SLCO6A1: variants seen among roughly 807,000 people sequenced by gnomAD.
SLCO6A1 encodes the protein solute carrier organic anion transporter family member 6A1.
SLCO6A1 carries 65 observed loss-of-function variants against 72.7 expected under a neutral mutation model. The observed-to-expected ratio is 0.89, with a 90% CI of 0.73 to 1.10. The LOEUF (loss-of-function observed/expected upper bound fraction) is 1.10. Ranked by LOEUF, SLCO6A1 falls within the 50% of genes least tolerant of loss-of-function variation. The pLI, the probability that SLCO6A1 is intolerant of heterozygous loss-of-function variation, is 0.00. For missense variants in SLCO6A1, 874 were observed against 872.6 expected (o/e 1.00, Z -0.02); for synonymous variants, 314 against 298.2 (o/e 1.05, Z -0.55).
At chr5:102,458,082 C>T (rs1750828044) in intron 6 of SLCO6A1, among the ~76,000 whole-genome samples, 1 of 151,752 alleles carries the variant, frequency 6.6e-6, no homozygotes, top group Non-Finnish European at 1.5e-5. Context: ...AGGGGAACAT[C>T]ACACACAGGG....
intron 12 of SLCO6A1, among the ~76,000 whole-genome samples, chr5:102,386,801 C>T (rs1478661480): frequency 6.6e-6 from 1 of 152,130 alleles, no homozygotes; most frequent in Non-Finnish European, 1.5e-5. Flanking sequence ...GAGCCTGATG[C>T]TAAGAGGGTC....
At chr5:102,495,807 G>A (rs1752883329) in intron 1 of SLCO6A1, among the ~76,000 whole-genome samples, 3 of 151,998 alleles carry the variant, frequency 2.0e-5, no homozygotes, top group Admixed American at 6.5e-5. Flanking sequence ...AAAAAGGCCT[G>A]AGTCTGGTCA....
chr5:102,419,999 A>G lies in SLCO6A1; in HGVS notation c.1299T>C (p.Gly433=). The change falls in exon 8 of 14, where the codon GGT becomes GGC. Residue 433 remains glycine, a synonymous_variant. Transcript: ENST00000506729. The part of the protein sequence containing the change: ...TLAGLVLIPG[G]ALGQLLGGVI... ...CACCTCCCAGAAGCTGGCCAAGTGC[A>G]CCTCCTGGAATTAAAACAAGTCCTA... 6.3e-7 allele frequency: 1 copy of G among 1,575,078 alleles called. No homozygotes were observed. The highest frequency in any genetic ancestry group is 8.6e-7 in the Non-Finnish European group (1 of 1,169,004).
chr5:102,460,898 TCA>T lies in SLCO6A1; in HGVS notation c.900-1123_900-1122del, dbSNP rs1580468665. Among the ~76,000 whole-genome samples the T allele has an allele frequency of 2.5e-4, 8 of 32,604 alleles. No homozygotes were observed. In the East Asian group the frequency reaches 6.4e-3, roughly 26 times the overall value. 21.4% of individuals were successfully genotyped at this position (32,604 alleles called of 152,430 possible). A position where few individuals can be genotyped will look rare whatever the true frequency, so the allele number is the denominator to read the frequency against. ...TCTTGATTGTCATTACCCACTTATC[TCA>T]TATATATATATATATATATATATAT... On this transcript the variant is annotated intron_variant, in intron 4 of 13. Transcript: ENST00000506729.
At chr5:102,392,232 C>T (rs1356752901) in intron 10 of SLCO6A1, among the ~76,000 whole-genome samples, 2 of 151,772 alleles carry the variant, frequency 1.3e-5, no homozygotes, top group Non-Finnish European at 2.9e-5. Context: ...CATATATTTA[C>T]TATTAGAAAA....
intron 10 of SLCO6A1, among the ~76,000 whole-genome samples, chr5:102,393,057 T>C (rs915477191): frequency 4.6e-5 from 7 of 152,080 alleles, no homozygotes; most frequent in Non-Finnish European, 8.8e-5. Context: ...AATACTGTCA[T>C]TAAAAAATTT....
chr5:102,498,543 CACT>C lies in SLCO6A1; in HGVS notation c.299_301del (p.Glu100_Cys101delinsGly). 1 of 1,614,208 alleles carries C rather than the reference CACT, an allele frequency of 6.2e-7. No individual in the cohort carries two copies. On this transcript the variant is annotated inframe_deletion, in exon 1 of 14. Coordinates refer to ENST00000506729, the MANE Select transcript of SLCO6A1 (RefSeq NM_173488.5). ...CATGAAGCAGCGAATGTTATTGCAA[CACT>C]CACAGCAGGTGCTGACTAAGCAGCC...
chr5:102,409,490 T>G (rs1350964276), intron 9 of SLCO6A1, among the ~76,000 whole-genome samples: 1 of 152,182 alleles, frequency 6.6e-6, no homozygotes, highest in Non-Finnish European at 1.5e-5. Flanking sequence ...GTTAAGATTT[T>G]TTTATTGGTA....
chr5:102,448,272 A>G (rs2112714807), intron 6 of SLCO6A1, among the ~76,000 whole-genome samples: 1 of 152,344 alleles, frequency 6.6e-6, no homozygotes. Context: ...GAATTTGTTA[A>G]GAATTGCTTT....
At chr5:102,417,290 A>G in intron 8 of SLCO6A1, among the ~76,000 whole-genome samples, 1 of 151,814 alleles carries the variant, frequency 6.6e-6, no homozygotes, top group East Asian at 1.9e-4. Flanking sequence ...TTTTTTTCAA[A>G]ATAAAGATTA....
intron 6 of SLCO6A1, among the ~76,000 whole-genome samples, chr5:102,449,056 C>T (rs6893391): frequency 0.65 from 98,440 of 151,936 alleles, 32,088 homozygotes; most frequent in African/African-American, 0.67. Flanking sequence ...AAGGCAGGCT[C>T]GGTGGTAACA....
In SLCO6A1 at chr5:102,498,364, G is replaced by GGCTGGGCCACCCCAGGGCAT. The variant is rs535185714; in HGVS notation, c.358+103_358+122dup. ...CTTGAGAAGTCAGAAAGCAGCCTCA[G>GGCTGGGCCACCCCAGGGCAT]GCTGGGCCACCCCAGGGCATGCTGG... On this transcript the variant is annotated intron_variant, in intron 1 of 13. Coordinates refer to ENST00000506729, the MANE Select transcript of SLCO6A1 (RefSeq NM_173488.5). 2.1e-3 allele frequency: 1,860 copies of GGCTGGGCCACCCCAGGGCAT among 904,112 alleles called. 25 individuals carry two copies. In the African/African-American group the frequency reaches 0.026, roughly 13 times the overall value. The allele number at this position is 904,112 out of a possible 1,614,324, so 56.0% of individuals were successfully genotyped here. A position where few individuals can be genotyped will look rare whatever the true frequency, so the allele number is the denominator to read the frequency against.
intron 11 of SLCO6A1, among the ~76,000 whole-genome samples, chr5:102,389,502 G>C (rs946807441): frequency 8.1e-6 from 1 of 124,086 alleles, no homozygotes; most frequent in Non-Finnish European, 1.6e-5. Context: ...CAGATTCTCA[G>C]AACTAAAAAC....
At chr5:102,441,884 CTTTA>C (rs906159323) in intron 6 of SLCO6A1, among the ~76,000 whole-genome samples, 2 of 150,262 alleles carry the variant, frequency 1.3e-5, no homozygotes, top group African/African-American at 4.9e-5. Context: ...TTTATTTTAC[CTTTA>C]TTTTTTATTT....
chr5:102,407,500 G>A (rs917313364), intron 9 of SLCO6A1, among the ~76,000 whole-genome samples: 2 of 152,096 alleles, frequency 1.3e-5, no homozygotes, highest in East Asian at 1.9e-4. Flanking sequence ...GAACCTTCCC[G>A]GGCTAAGCCC....
intron 6 of SLCO6A1, among the ~76,000 whole-genome samples, chr5:102,443,536 A>G (rs1302981884): frequency 6.6e-6 from 1 of 152,188 alleles, no homozygotes; most frequent in Non-Finnish European, 1.5e-5. Flanking sequence ...TCCCAGGTTT[A>G]GGGGTAATCT....
chr5:102,491,499 C>T (rs1171380086), intron 1 of SLCO6A1, among the ~76,000 whole-genome samples: 1 of 152,186 alleles, frequency 6.6e-6, no homozygotes, highest in Non-Finnish European at 1.5e-5. Flanking sequence ...GGGGGAGGCT[C>T]AGGCATGGCA....
intron 8 of SLCO6A1, among the ~76,000 whole-genome samples, chr5:102,414,228 G>A (rs1248758489): frequency 1.3e-5 from 2 of 151,822 alleles, no homozygotes; most frequent in African/African-American, 4.8e-5. Flanking sequence ...AATTCATTTT[G>A]AACTAATTAT....
intron 1 of SLCO6A1, among the ~76,000 whole-genome samples, chr5:102,496,299 T>A (rs1229863162): frequency 6.6e-6 from 1 of 152,230 alleles, no homozygotes; most frequent in Non-Finnish European, 1.5e-5. Context: ...TGCCTTTGTA[T>A]CCCTTCTTTA....
Sources: allele counts gnomAD v4.1 joint callset (sites outside exome capture counted in the v4.1 genomes callset), GRCh38; gene constraint gnomAD v4.1.1; transcripts MANE v1.5; gene names NCBI Gene and HGNC (gene_info 2026-07-23, HGNC 2026-07-21).